Variants in MAGI2 observed in about 807,000 individuals in gnomAD.
MAGI2 encodes the protein membrane-associated guanylate kinase, WW and PDZ domain-containing protein 2.
Under a neutral mutation model 133.3 loss-of-function variants are expected in MAGI2, and 35 were observed. That is an observed-to-expected ratio of 0.26 (90% CI 0.20 to 0.35). The LOEUF (loss-of-function observed/expected upper bound fraction) is 0.35. Among genes scored for constraint, MAGI2 ranks in the 10% least tolerant of loss-of-function variants. MAGI2 has a pLI of 1.00. For synonymous variants in MAGI2, 729 were observed against 710.6 expected, an observed-to-expected ratio of 1.03 and a Z score of -0.41; for missense variants, 1,636 against 1,863.4, an observed-to-expected ratio of 0.88 and a Z score of 2.25.
In MAGI2 at chr7:78,127,088, C is replaced by T. The variant is rs574402924; in HGVS notation, c.3423+109G>A. 3.7e-4 allele frequency: 304 copies of T among 824,202 alleles called. 1 individual carries two copies. In the African/African-American group the frequency reaches 4.6e-3, roughly 13 times the overall value. 51.1% of individuals were successfully genotyped at this position (824,202 alleles called of 1,614,324 possible). ...GTTACCAGAACTAGGAATAGAACTT[C>T]AGCTCTCCATCCCAGACAGGTACTC... On this transcript the variant is annotated intron_variant, in intron 19 of 21. Transcript: ENST00000354212.
intron 3 of MAGI2, among the ~76,000 whole-genome samples, chr7:78,562,812 C>A (rs1800545857): frequency 6.6e-6 from 1 of 152,172 alleles, no homozygotes; most frequent in Non-Finnish European, 1.5e-5. Flanking sequence ...CTGTTCCTAA[C>A]TGCATCTCCC....
intron 1 of MAGI2, among the ~76,000 whole-genome samples, chr7:79,333,902 TA>T (rs566297505): frequency 4.9e-4 from 74 of 152,342 alleles, no homozygotes; most frequent in African/African-American, 1.6e-3. Flanking sequence ...AAACAACTTT[TA>T]AAAAATACTT....
At position 78,549,115 on chromosome 7, in the gene MAGI2, T is replaced by A. The variant is rs139279070; in HGVS notation, c.539-27470A>T. 1.5e-3 allele frequency among the ~76,000 whole-genome samples: 221 copies of A among 152,312 alleles called. 1 individual carries two copies. Among genetic ancestry groups the A allele is most frequent in the African/African-American group, 4.9e-3 (204 of 41,566 alleles). On this transcript the variant is annotated intron_variant, in intron 3 of 21. Coordinates refer to ENST00000354212, the MANE Select transcript of MAGI2 (RefSeq NM_012301.4). ...AAAGTAGGTTTCCTGTTTGAGAGGC[T>A]CAGTTTGACAAGCACTCTTGGTAAA...
At chr7:78,950,764 C>T (rs1801803128) in intron 2 of MAGI2, among the ~76,000 whole-genome samples, 1 of 151,892 alleles carries the variant, frequency 6.6e-6, no homozygotes, top group Non-Finnish European at 1.5e-5. Flanking sequence ...TTGCTAAATT[C>T]AAAAATGGGA....
intron 6 of MAGI2, among the ~76,000 whole-genome samples, chr7:78,436,229 T>A (rs1562992059): frequency 1.3e-5 from 2 of 152,138 alleles, no homozygotes; most frequent in Non-Finnish European, 2.9e-5. Flanking sequence ...GAGCCCTTTT[T>A]TTGTAGGTTC....
At chr7:79,349,608 C>G (rs1237031375) in intron 1 of MAGI2, among the ~76,000 whole-genome samples, 1 of 151,878 alleles carries the variant, frequency 6.6e-6, no homozygotes, top group Non-Finnish European at 1.5e-5. Context: ...GGTCAAGGTC[C>G]CATGGCTTAA....
At chr7:79,370,885 G>A (rs1473552400) in intron 1 of MAGI2, among the ~76,000 whole-genome samples, 1 of 151,880 alleles carries the variant, frequency 6.6e-6, no homozygotes, top group Non-Finnish European at 1.5e-5. Context: ...GGTTATAAAG[G>A]TCAAAATAAA....
rs1244314053 is a variant in MAGI2 at position 78,561,560 on chromosome 7, G to A, written c.539-39915C>T. Reference sequence around the variant, plus strand: ...GCAATTAAAAGTAATGGCAAAAATAGAATTAGGAAAGAAGACTTTAGACCA... The same window carrying A: ...GCAATTAAAAGTAATGGCAAAAATAAAATTAGGAAAGAAGACTTTAGACCA... On this transcript the variant is annotated intron_variant, in intron 3 of 21. Coordinates refer to ENST00000354212, the MANE Select transcript of MAGI2 (RefSeq NM_012301.4). Among the ~76,000 whole-genome samples the A allele has an allele frequency of 2.0e-5, 3 of 151,634 alleles. No homozygotes were observed. The East Asian group carries it at 5.8e-4, about 29-fold the overall frequency.
At chr7:79,280,021 A>G (rs1053093578) in intron 1 of MAGI2, among the ~76,000 whole-genome samples, 1 of 152,136 alleles carries the variant, frequency 6.6e-6, no homozygotes, top group Non-Finnish European at 1.5e-5. Flanking sequence ...TTTTTTATTT[A>G]TTTATTTTTT....
At chr7:78,627,071 G>A in intron 3 of MAGI2, 49 bp downstream of exon 3, 1 of 1,523,676 alleles carries the variant, frequency 6.6e-7, no homozygotes, top group Non-Finnish European at 8.8e-7. Context: ...CATCGAATGA[G>A]AAAAATGTGA....
rs577251433 is a variant in MAGI2 at position 78,286,380 on chromosome 7, C to T, written c.1409-29799G>A. Among the ~76,000 whole-genome samples, 86 of 152,102 alleles carry T rather than the reference C, an allele frequency of 5.7e-4. 1 individual carries two copies. The highest frequency in any genetic ancestry group is 2.0e-3 in the African/African-American group (84 of 41,516). On this transcript the variant is annotated intron_variant, in intron 9 of 21. Coordinates refer to ENST00000354212, the MANE Select transcript of MAGI2 (RefSeq NM_012301.4). Reference sequence around the variant, plus strand: ...TACCATACAAAGGAGTAGTGTTATACAAAATATATGAAATATTTTGGGAAC... The same window carrying T: ...TACCATACAAAGGAGTAGTGTTATATAAAATATATGAAATATTTTGGGAAC...
chr7:78,971,950 A>C (rs888384501), intron 2 of MAGI2, among the ~76,000 whole-genome samples: 2 of 151,980 alleles, frequency 1.3e-5, no homozygotes, highest in African/African-American at 4.8e-5. Flanking sequence ...TTTAAGAGCC[A>C]TATAAATATT....
At chr7:78,812,586 A>ATGTGTGTGTGTGTGTGTG (rs10542588) in intron 2 of MAGI2, among the ~76,000 whole-genome samples, 86 of 149,436 alleles carry the variant, frequency 5.8e-4, no homozygotes, top group African/African-American at 2.0e-3. Flanking sequence ...ATATGTATGT[A>ATGTGTGTGTGTGTGTGTG]TGTGTGTGTG....
chr7:78,136,353 C>G (rs1393618762), intron 16 of MAGI2, among the ~76,000 whole-genome samples: 1 of 152,140 alleles, frequency 6.6e-6, no homozygotes, highest in Non-Finnish European at 1.5e-5. Context: ...ATCTCCTGAC[C>G]TCATGATCCG....
chr7:79,434,976 T>C (rs188378695), intron 1 of MAGI2, among the ~76,000 whole-genome samples: 1 of 152,216 alleles, frequency 6.6e-6, no homozygotes, highest in African/African-American at 2.4e-5. Flanking sequence ...AACTGGAACA[T>C]TGTTTTTTCT....
chr7:78,620,595 G>A (rs1193907769), intron 3 of MAGI2, among the ~76,000 whole-genome samples: 1 of 151,964 alleles, frequency 6.6e-6, no homozygotes, highest in Non-Finnish European at 1.5e-5. Flanking sequence ...GCTGTTTGCA[G>A]TAGGCTCAAG....
chr7:78,076,778 G>A (rs1815359131), intron 21 of MAGI2, among the ~76,000 whole-genome samples: 1 of 147,364 alleles, frequency 6.8e-6, no homozygotes. Flanking sequence ...CCCGGGAAGC[G>A]GAGCTTGCAG....
intron 1 of MAGI2, among the ~76,000 whole-genome samples, chr7:79,103,959 C>A (rs1021604281): frequency 2.0e-5 from 3 of 152,150 alleles, no homozygotes; most frequent in African/African-American, 7.2e-5. Context: ...CCTCGGCCTC[C>A]TAAGGTGCTG....
chr7:79,321,906 T>G (rs1267826922), intron 1 of MAGI2, among the ~76,000 whole-genome samples: 1 of 152,160 alleles, frequency 6.6e-6, no homozygotes, highest in Non-Finnish European at 1.5e-5. Context: ...ATCTCTTAGG[T>G]GGCTCTAATG....
Sources: allele counts gnomAD v4.1 joint callset (sites outside exome capture counted in the v4.1 genomes callset), GRCh38; gene constraint gnomAD v4.1.1; transcripts MANE v1.5; gene names NCBI Gene and HGNC (gene_info 2026-07-23, HGNC 2026-07-21).